The following MYBBP1A variants were observed in gnomAD, a reference collection of about 807,000 sequenced individuals.
MYBBP1A encodes the protein myb-binding protein 1A.
Under a neutral mutation model 136.3 loss-of-function variants are expected in MYBBP1A, and 147 were observed. That is an observed-to-expected ratio of 1.08 (90% confidence interval 0.94 to 1.24). The LOEUF is 1.24. MYBBP1A is among the 50% of genes most tolerant of loss of function. The pLI is 0.00. For synonymous variants in MYBBP1A, 947 were observed against 735.8 expected, an observed-to-expected ratio of 1.29 and a Z score of -4.65; for missense variants, 2,060 against 1,727.4, an observed-to-expected ratio of 1.19 and a Z score of -3.41.
At position 4,545,778 on chromosome 17, in the gene MYBBP1A, T is replaced by A. The variant is rs773152296; in HGVS notation, c.1922-17A>T. On this transcript the variant is annotated splice_polypyrimidine_tract_variant and intron_variant, in intron 14 of 25. Coordinates refer to ENST00000254718, the MANE Select transcript of MYBBP1A (RefSeq NM_014520.4). ...CCTGGGGGTCTGCAAGAGGGAGGGG[T>A]TGAGCCCGGATAGGGGACCGCTGGC... is the stretch of plus-strand genomic sequence containing the variant. 6.2e-6 allele frequency: 10 copies of A among 1,606,472 alleles called. No homozygotes were observed. In the South Asian group the frequency reaches 6.6e-5, roughly 11 times the overall value.
rs764803561 is a variant in MYBBP1A at position 4,545,079 on chromosome 17, C to T, written c.2257G>A (p.Asp753Asn). The T allele has an allele frequency of 7.6e-6, 12 of 1,571,678 alleles. No homozygotes were observed. The South Asian group carries it at 1.4e-4, about 18-fold the overall frequency. The change falls in exon 17 of 26, where the codon GAT becomes AAT. Residue 753 changes from aspartate (D) to asparagine (N), a missense_variant. Physicochemically the swap from Asp to Asn is conservative, Grantham distance 23. Coordinates refer to ENST00000254718, the MANE Select transcript of MYBBP1A (RefSeq NM_014520.4). ...ATCAGCTGTTCCCGGAAGCCCTGAT[C>T]CACGTCCCCGTCGCGCTCCTCCTCC... ...SEEEERDGDVDQGFREQLMTV... is the reference protein window; with the variant it reads ...SEEEERDGDVNQGFREQLMTV...
Position 4,545,731 on chromosome 17 carries a change from A to C in MYBBP1A, c.1952T>G (p.Leu651Arg). 6.2e-7 allele frequency: 1 copy of C among 1,609,312 alleles called. No individual in the cohort carries two copies. The highest frequency in any genetic ancestry group is 8.5e-7 in the Non-Finnish European group (1 of 1,177,162). Residue 651 changes from leucine (L) to arginine (R), a missense_variant, in exon 15 of 26, where the codon CTG becomes CGG. Leu to Arg is a moderately radical substitution (Grantham distance 102, BLOSUM62 -2). Transcript: ENST00000254718. Reference protein sequence around the residue: ...DPQEPPWVEVLVEILLALLAQ... With the variant: ...DPQEPPWVEVRVEILLALLAQ... ...CAACAGGGCCAGCAAGATCTCCACC[A>C]GCACCTCTACCCACGGGGGTTCCTG...
chr17:4,540,311 C>G, intron 25 of MYBBP1A, 37 bp downstream of exon 25: 1 of 1,568,722 alleles, frequency 6.4e-7, no homozygotes, highest in Non-Finnish European at 8.6e-7. Flanking sequence ...TGTTCCCAGC[C>G]CCTACCCAAG....
intron 8 of MYBBP1A, 22 bp downstream of exon 8, chr17:4,551,858 G>A (rs962250287): frequency 1.1e-5 from 18 of 1,600,516 alleles, no homozygotes; most frequent in African/African-American, 4.0e-5. Flanking sequence ...TGGCAGTGTC[G>A]AGCTGCACGG....
intron 8 of MYBBP1A, 60 bp downstream of exon 8, chr17:4,551,820 G>A: frequency 6.7e-7 from 1 of 1,489,974 alleles, no homozygotes; most frequent in Admixed American, 1.7e-5. Context: ...CCCCTTTTTG[G>A]CAGGGAGAGC....
chr17:4,539,198 G>T lies in MYBBP1A; in HGVS notation c.*217C>A, dbSNP rs377303874. ...GGAGCCAGGGTCCCAGCCCAGAACC[G>T]GGGGTGGGGAGGTCTCTGCACCCTG... is the stretch of plus-strand genomic sequence containing the variant. On this transcript the variant is annotated 3_prime_UTR_variant, in exon 26 of 26. Coordinates refer to ENST00000254718, the MANE Select transcript of MYBBP1A (RefSeq NM_014520.4). 10 of 1,451,824 alleles carry T rather than the reference G, an allele frequency of 6.9e-6. No homozygotes were observed. The highest frequency in any genetic ancestry group is 4.4e-5 in the South Asian group (3 of 68,468). 89.9% of individuals were successfully genotyped at this position (1,451,824 alleles called of 1,614,324 possible).
Position 4,553,832 on chromosome 17 carries a change from G to A in MYBBP1A, c.539C>T (p.Ala180Val). ...QNHLQEQPRK[A>V]LVDILSEVSK... ...TACCTCGGAGAGGATGTCCACCAGG[G>A]CCTTCCGGGGCTGCTCCTGCAAGTG... Residue 180 changes from alanine (A) to valine (V), a missense_variant, in exon 5 of 26, where the codon GCC (alanine) becomes GTC (valine). Transcript: ENST00000254718. 1 of 1,614,088 alleles carries A rather than the reference G, an allele frequency of 6.2e-7. No individual in the cohort carries two copies. The highest frequency in any genetic ancestry group is 8.5e-7 in the Non-Finnish European group (1 of 1,180,038).
Position 4,548,103 on chromosome 17 carries a change from G to A in MYBBP1A, c.1724+40C>T. On this transcript the variant is annotated intron_variant, in intron 12 of 25. Coordinates refer to ENST00000254718, the MANE Select transcript of MYBBP1A (RefSeq NM_014520.4). The surrounding 1 kb of genome is among the most constrained non-coding windows in gnomAD (Gnocchi z 4.2). ...CCCAGGCCCCTGCACCAGTCAGACT[G>A]CAGCGTCCTGCCCACCCCCTGGAAA... 2 of 1,602,680 alleles carry A rather than the reference G, an allele frequency of 1.2e-6. No individual in the cohort carries two copies. The highest frequency in any genetic ancestry group is 1.3e-5 in the African/African-American group (1 of 75,014).
rs775367838 is a variant in MYBBP1A at position 4,544,501 on chromosome 17, G to A, written c.2627C>T (p.Ala876Val). The A allele has an allele frequency of 4.2e-5, 65 of 1,550,252 alleles. No individual in the cohort carries two copies. The highest frequency in any genetic ancestry group is 5.1e-5 in the Non-Finnish European group (58 of 1,148,042). Residue 876 changes from alanine to valine, a missense_variant, in exon 19 of 26, where the codon GCG (alanine) becomes GTG (valine). Transcript: ENST00000254718. Reference protein sequence around the residue: ...KQEQDLLHKTARIFTHHLCRA... With the variant: ...KQEQDLLHKTVRIFTHHLCRA... ...CCCCCGTGCTCACGTGAAGATGCGC[G>A]CCGTCTTGTGCAGAAGGTCCTGCTC...
intron 13 of MYBBP1A, chr17:4,547,703 A>G (rs1907124711): frequency 2.3e-6 from 1 of 428,510 alleles, no homozygotes; most frequent in East Asian, 3.5e-5. Context: ...CATGTCAAAC[A>G]TGGAGAGGGG....
rs144185669 is a variant in MYBBP1A, at chr17:4,544,901, G to A, written c.2331C>T (p.Asn777=). Residue 777 remains asparagine (N), a synonymous_variant, in exon 18 of 26, where the codon AAC becomes AAT. Coordinates refer to ENST00000254718, the MANE Select transcript of MYBBP1A (RefSeq NM_014520.4). ...TGGCCTCATCCCCCAGCTCCTCCTC[G>A]TTCTCACTGTCCTCTCCACCCTGAG... ...GKALGGEDSE[N]EEELGDEAMM... is the part of the protein sequence containing the mutation. 1.6e-5 allele frequency: 25 copies of A among 1,602,724 alleles called. No individual in the cohort carries two copies. Among genetic ancestry groups the A allele is most frequent in the Admixed American group, 5.1e-5 (3 of 59,374 alleles).
intron 17 of MYBBP1A, 44 bp downstream of exon 17, chr17:4,544,982 C>T (rs1444397348): frequency 6.6e-7 from 1 of 1,520,778 alleles, no homozygotes; most frequent in Non-Finnish European, 8.8e-7. Flanking sequence ...ATGGGGACAC[C>T]CGAGCCCTCC....
At chr17:4,540,737 G>A (rs1238659189) in intron 24 of MYBBP1A, among the ~76,000 whole-genome samples, 1 of 151,902 alleles carries the variant, frequency 6.6e-6, no homozygotes, top group Non-Finnish European at 1.5e-5. Flanking sequence ...CTCCCCTCCA[G>A]CAGTGGCCCG....
chr17:4,540,549 T>C, intron 24 of MYBBP1A, 65 bp from the exon 25 acceptor site: 10 of 1,483,478 alleles, frequency 6.7e-6, no homozygotes, highest in African/African-American at 1.4e-5. Context: ...GGGCTCCCAG[T>C]CTTCCCACCT....
chr17:4,554,198 C>T lies in MYBBP1A; in HGVS notation c.375G>A (p.Lys125=), dbSNP rs1418017377. 1 of 1,614,086 alleles carries T rather than the reference C, an allele frequency of 6.2e-7. No individual in the cohort carries two copies. Among genetic ancestry groups the T allele is most frequent in the South Asian group, 1.1e-5 (1 of 91,082 alleles). ...ACCTCCCTGGCCCCACTCTCACCTT[C>T]TTCACCTGATGCAGGTCATATTTTT... ...IQEKYDLHQV[K]KAMLRPALFA... is the part of the protein sequence containing the mutation. Residue 125 remains lysine (K), a synonymous_variant, in exon 3 of 26, where the codon AAG becomes AAA. Transcript: ENST00000254718.
At chr17:4,550,478 C>T (rs1597387679) in intron 8 of MYBBP1A, 125 bp from the exon 9 acceptor site, 2 of 1,054,216 alleles carry the variant, frequency 1.9e-6, no homozygotes, top group East Asian at 2.4e-5. Context: ...AGGCGGGCAA[C>T]AGCCCACCAG....
chr17:4,545,082 C>G lies in MYBBP1A; in HGVS notation c.2254G>C (p.Val752Leu). ...AGCTGTTCCCGGAAGCCCTGATCCA[C>G]GTCCCCGTCGCGCTCCTCCTCCTCG... is the stretch of plus-strand genomic sequence containing the variant. The part of the protein sequence containing the change: ...ESEEEERDGD[V>L]DQGFREQLMT... Residue 752 changes from valine to leucine, a missense_variant, in exon 17 of 26, where the codon GTG becomes CTG. By Grantham distance (32) the Val-to-Leu change is conservative. Coordinates refer to ENST00000254718, the MANE Select transcript of MYBBP1A (RefSeq NM_014520.4). The G allele has an allele frequency of 6.3e-7, 1 of 1,576,238 alleles. No homozygotes were observed. The highest frequency in any genetic ancestry group is 2.4e-5 in the East Asian group (1 of 42,390).
chr17:4,555,047 C>T lies in MYBBP1A; in HGVS notation c.198+80G>A. 5 of 1,584,788 alleles carry T rather than the reference C, an allele frequency of 3.2e-6. No individual in the cohort carries two copies. In the South Asian group the frequency reaches 3.4e-5, roughly 11 times the overall value. Reference sequence around the variant, plus strand: ...GCATCCAGGTTCGCGACCACGTGCCCCCAGTCTCAACTCCCTGGGCCCGCC... The same window carrying T: ...GCATCCAGGTTCGCGACCACGTGCCTCCAGTCTCAACTCCCTGGGCCCGCC... On this transcript the variant is annotated intron_variant, in intron 1 of 25. Coordinates refer to ENST00000254718, the MANE Select transcript of MYBBP1A (RefSeq NM_014520.4).
Position 4,539,856 on chromosome 17 carries a change from C to T in MYBBP1A, c.3546G>A (p.Lys1182=), listed in dbSNP as rs1382816690. The change falls in exon 26 of 26, where the codon AAG becomes AAA. Residue 1182 remains lysine (K), a synonymous_variant. Coordinates refer to ENST00000254718, the MANE Select transcript of MYBBP1A (RefSeq NM_014520.4). ...GCGTGCCATCCTCTGACTTGCGTTT[C>T]TTGCGCTTCTTCGTCTCTGGCAAGA... The part of the protein sequence containing the change: ...KGFLPETKKR[K]KRKSEDGTPA... 1.2e-6 allele frequency: 2 copies of T among 1,607,452 alleles called. No individual in the cohort carries two copies. The highest frequency in any genetic ancestry group is 2.2e-5 in the South Asian group (2 of 91,072).
Sources: allele counts gnomAD v4.1 joint callset (sites outside exome capture counted in the v4.1 genomes callset), GRCh38; gene constraint gnomAD v4.1.1; non-coding constraint Gnocchi (gnomAD v3.1); transcripts MANE v1.5; gene names NCBI Gene and HGNC (gene_info 2026-07-23, HGNC 2026-07-21).